The following RUVBL1 variants were observed in gnomAD, a reference collection of about 807,000 sequenced individuals.
RUVBL1 encodes the protein ruvB-like 1.
RUVBL1 carries 4 observed loss-of-function variants against 52.4 expected under a neutral mutation model. That is an observed-to-expected ratio of 0.08 (90% CI 0.04 to 0.17). RUVBL1 has a LOEUF of 0.17. Among genes scored for constraint, RUVBL1 ranks in the 10% least tolerant of loss-of-function variants. The probability of loss-of-function intolerance (pLI) is 1.00; values close to 1 mark genes in which losing one functional copy is unlikely to be tolerated. For missense variants in RUVBL1, 298 were observed against 572.8 expected (o/e 0.52, Z 4.90); for synonymous variants, 217 against 214.4 (o/e 1.01, Z -0.10).
rs144375630 is a variant in RUVBL1, at chr3:128,068,239, A to G, written c.940-3019T>C. On this transcript the variant is annotated intron_variant, in intron 9 of 9. Transcript: ENST00000464873. ...GCTAAGTGCTGGACACTGGAGACGTAAAAATAAACACTTACAGCCCCTTTC... is the reference window on the plus strand; with the variant it reads ...GCTAAGTGCTGGACACTGGAGACGTGAAAATAAACACTTACAGCCCCTTTC... Among the ~76,000 whole-genome samples the G allele has an allele frequency of 4.6e-5, 7 of 152,372 alleles. No homozygotes were observed. The East Asian group carries it at 1.3e-3, about 29-fold the overall frequency.
At chr3:128,074,842 CAAAAAAA>C (rs386397876) in intron 9 of RUVBL1, among the ~76,000 whole-genome samples, 33 of 72,800 alleles carry the variant, frequency 4.5e-4, no homozygotes, top group African/African-American at 8.3e-4. Context: ...AACTCCGTCT[CAAAAAAA>C]AAAAAAAAAA....
At position 128,153,240 on chromosome 3, in the gene RUVBL1, C is replaced by T. The variant is rs1031694837; in HGVS notation, c.-77G>A. 3.0e-6 allele frequency: 4 copies of T among 1,340,172 alleles called. No homozygotes were observed. In the Admixed American group the frequency reaches 1.2e-4, roughly 40 times the overall value. The allele number at this position is 1,340,172 out of a possible 1,614,324, so 83.0% of individuals were successfully genotyped here. ...AATGGCTTCACTTCTCAGAAGGATCCCTCCATCTCGGGCTCCTAGAGGCTT... is the reference window on the plus strand; with the variant it reads ...AATGGCTTCACTTCTCAGAAGGATCTCTCCATCTCGGGCTCCTAGAGGCTT... On this transcript the variant is annotated 5_prime_UTR_variant, in exon 1 of 10. Transcript: ENST00000464873.
intron 9 of RUVBL1, among the ~76,000 whole-genome samples, chr3:128,086,607 G>A (rs1379578799): frequency 1.3e-5 from 2 of 152,246 alleles, no homozygotes; most frequent in Admixed American, 6.5e-5. Context: ...TTCAGGGTAT[G>A]TACCACTGAA....
In RUVBL1 at chr3:128,082,031, C is replaced by T. The variant is rs1942490453; in HGVS notation, c.1211+452G>A. 5.7e-6 allele frequency: 1 copy of T among 174,800 alleles called. No homozygotes were observed. Among genetic ancestry groups the T allele is most frequent in the Non-Finnish European group, 1.2e-5 (1 of 80,770 alleles). The allele number at this position is 174,800 out of a possible 1,614,324, so 10.8% of individuals were successfully genotyped here. The stretch of plus-strand genomic sequence containing the variant: ...ATTAGGAGAACTGTCTATGTCTGCG[C>T]TCCTCCCTGGCTCTCCATATCCACC... On this transcript the variant is annotated intron_variant, in intron 10 of 10. Coordinates refer to ENST00000322623, the MANE Select transcript of RUVBL1 (RefSeq NM_003707.3). The surrounding 1 kb of genome is among the most constrained non-coding windows in gnomAD (Gnocchi z 4.7).
downstream of RUVBL1, among the ~76,000 whole-genome samples, chr3:128,077,142 G>T (rs1416018737): frequency 6.6e-6 from 1 of 151,894 alleles, no homozygotes. Context: ...GCCGAGACGC[G>T]CGCTGATGGC....
At chr3:128,153,134 A>C in intron 1 of RUVBL1, 2 of 853,740 alleles carry the variant, frequency 2.3e-6, no homozygotes, top group Non-Finnish European at 3.0e-6. Context: ...TGCGTTTTAC[A>C]GAGCGCTGAT....
intron 2 of RUVBL1, 85 bp from the exon 3 acceptor site, chr3:128,113,105 T>C: frequency 2.7e-6 from 4 of 1,481,536 alleles, no homozygotes; most frequent in South Asian, 2.5e-5. Context: ...CACCAGGAAC[T>C]AGGAACAGCT....
chr3:128,085,599 T>C (rs1013214060), intron 9 of RUVBL1, among the ~76,000 whole-genome samples: 1 of 152,246 alleles, frequency 6.6e-6, no homozygotes, highest in Non-Finnish European at 1.5e-5. Context: ...CAATTGCTAC[T>C]ATGAACCATA....
At chr3:128,138,242 G>A (rs924593668) in intron 1 of RUVBL1, among the ~76,000 whole-genome samples, 1 of 150,840 alleles carries the variant, frequency 6.6e-6, no homozygotes, top group African/African-American at 2.5e-5. Flanking sequence ...GAAAGAAAGA[G>A]GTCAAATTAT....
In RUVBL1 at chr3:128,069,674, G is replaced by A. The variant is rs367612187; in HGVS notation, c.940-4454C>T. The A allele has an allele frequency of 2.7e-5, 44 of 1,613,052 alleles. No homozygotes were observed. The highest frequency in any genetic ancestry group is 6.7e-5 in the East Asian group (3 of 44,894). ...CCCTGCTCTTCTGAGCCCGTCTCCCGGACAGGTTGAGGAAGCTGCTCCAGA... is the reference window on the plus strand; with the variant it reads ...CCCTGCTCTTCTGAGCCCGTCTCCCAGACAGGTTGAGGAAGCTGCTCCAGA... On this transcript the variant is annotated intron_variant, in intron 9 of 9. Coordinates refer to the RUVBL1 transcript ENST00000464873.
intron 1 of RUVBL1, among the ~76,000 whole-genome samples, chr3:128,144,617 C>T (rs1310439520): frequency 1.3e-5 from 2 of 152,198 alleles, no homozygotes; most frequent in Non-Finnish European, 2.9e-5. Flanking sequence ...TTGCGTGTGC[C>T]AGGCCCAGGG....
chr3:128,068,122 A>G, intron 9 of RUVBL1: 1 of 1,338,612 alleles, frequency 7.5e-7, no homozygotes, highest in Non-Finnish European at 1.1e-6. Flanking sequence ...CTTTCCATGC[A>G]GGGCATCCTG....
chr3:128,149,175 C>G (rs1272230836), intron 1 of RUVBL1, among the ~76,000 whole-genome samples: 1 of 144,426 alleles, frequency 6.9e-6, no homozygotes, highest in Non-Finnish European at 1.5e-5. Context: ...CTCTTCTTTC[C>G]TCTTTCTTTC....
intron 1 of RUVBL1, among the ~76,000 whole-genome samples, chr3:128,147,389 A>C (rs895014465): frequency 3.9e-5 from 6 of 152,136 alleles, no homozygotes; most frequent in African/African-American, 1.4e-4. Flanking sequence ...AAAATTAAAA[A>C]CAAAACAAAA....
intron 9 of RUVBL1, among the ~76,000 whole-genome samples, chr3:128,086,395 C>T (rs1942646966): frequency 6.6e-6 from 1 of 152,228 alleles, no homozygotes; most frequent in Non-Finnish European, 1.5e-5. Context: ...ATGTCCTGCT[C>T]AACACGATGC....
intron 8 of RUVBL1, among the ~76,000 whole-genome samples, chr3:128,091,142 G>A (rs1942824099): frequency 6.6e-6 from 1 of 152,242 alleles, no homozygotes; most frequent in Non-Finnish European, 1.5e-5. Flanking sequence ...TCTGAGATTT[G>A]TCCAAGCTAT....
At chr3:128,143,819 C>G (rs935984229) in intron 1 of RUVBL1, among the ~76,000 whole-genome samples, 2 of 152,146 alleles carry the variant, frequency 1.3e-5, no homozygotes, top group African/African-American at 2.4e-5. Flanking sequence ...AGACTGAGGT[C>G]AGCCCCCTCG....
chr3:128,079,652 T>C (rs1942418103), downstream of RUVBL1, among the ~76,000 whole-genome samples: 1 of 152,222 alleles, frequency 6.6e-6, no homozygotes, highest in African/African-American at 2.4e-5. Flanking sequence ...CCACCACTGC[T>C]GTGCATGCCA....
chr3:128,116,076 G>A (rs1249449374), intron 2 of RUVBL1, among the ~76,000 whole-genome samples: 2 of 151,780 alleles, frequency 1.3e-5, no homozygotes, highest in East Asian at 1.9e-4. Context: ...GCAGTGAGCC[G>A]AGATCACTGC....
Sources: gnomAD v4.1 joint callset for allele counts (sites outside exome capture counted in the v4.1 genomes callset) on GRCh38, gnomAD v4.1.1 for gene constraint, Gnocchi (gnomAD v3.1) non-coding constraint, MANE v1.5 for transcripts, NCBI Gene and HGNC (gene_info 2026-07-23, HGNC 2026-07-21) for gene names.